The following ADAMTSL3 variants were observed in gnomAD, a reference collection of about 807,000 sequenced individuals.
ADAMTSL3 encodes ADAMTS-like protein 3.
Under a neutral mutation model 201.7 loss-of-function variants are expected in ADAMTSL3, and 128 were observed. That is an observed-to-expected ratio of 0.63 (90% CI 0.55 to 0.73). The LOEUF (loss-of-function observed/expected upper bound fraction) is 0.73. Among genes scored for constraint, ADAMTSL3 ranks in the 30% least tolerant of loss-of-function variants. The probability of loss-of-function intolerance (pLI) is 0.00; values close to 1 mark genes in which losing one functional copy is unlikely to be tolerated. For missense variants in ADAMTSL3, 1,990 were observed against 2,119.6 expected (o/e 0.94, Z 1.20); for synonymous variants, 738 against 748.4 (o/e 0.99, Z 0.23).
At chr15:83,978,073 G>C (rs2067317162) in intron 20 of ADAMTSL3, among the ~76,000 whole-genome samples, 1 of 152,098 alleles carries the variant, frequency 6.6e-6, no homozygotes, top group South Asian at 2.1e-4. Flanking sequence ...GGTTCCAGCA[G>C]GGTAATAGGA....
At chr15:83,745,356 C>G (rs1269359171) in intron 3 of ADAMTSL3, among the ~76,000 whole-genome samples, 1 of 152,194 alleles carries the variant, frequency 6.6e-6, no homozygotes, top group Non-Finnish European at 1.5e-5. Context: ...CATGCTGACC[C>G]TCTGTCCTCA....
intron 17 of ADAMTSL3, among the ~76,000 whole-genome samples, chr15:83,924,664 G>C (rs1567239682): frequency 6.6e-6 from 1 of 152,216 alleles, no homozygotes; most frequent in Non-Finnish European, 1.5e-5. Flanking sequence ...TATCAGAAGA[G>C]AAGTAGCTTG....
chr15:83,879,571 A>G (rs1170704327), intron 9 of ADAMTSL3, among the ~76,000 whole-genome samples: 2 of 152,170 alleles, frequency 1.3e-5, no homozygotes, highest in Non-Finnish European at 2.9e-5. Flanking sequence ...TTTAAAATTT[A>G]TTTTTATAGC....
intron 12 of ADAMTSL3, among the ~76,000 whole-genome samples, chr15:83,891,826 G>T (rs549084535): frequency 6.6e-6 from 1 of 152,344 alleles, no homozygotes; most frequent in Non-Finnish European, 1.5e-5. Flanking sequence ...GTCTTATGAA[G>T]GGTAAATAGG....
chr15:83,732,875 T>C (rs1190275526), intron 3 of ADAMTSL3, among the ~76,000 whole-genome samples: 1 of 152,154 alleles, frequency 6.6e-6, no homozygotes, highest in Admixed American at 6.6e-5. Context: ...TCATTCCGAA[T>C]GTGATTCCTG....
chr15:84,026,004 C>G (rs2068298439), intron 27 of ADAMTSL3, among the ~76,000 whole-genome samples: 1 of 152,030 alleles, frequency 6.6e-6, no homozygotes, highest in Admixed American at 6.6e-5. Context: ...CATAGTAGAA[C>G]TTTTTGTGGA....
At chr15:83,812,426 A>G (rs1409263541) in intron 5 of ADAMTSL3, among the ~76,000 whole-genome samples, 1 of 152,154 alleles carries the variant, frequency 6.6e-6, no homozygotes, top group East Asian at 1.9e-4. Flanking sequence ...TGATTCTAAG[A>G]TGAGGAGTTC....
chr15:83,923,901 C>T lies in ADAMTSL3; in HGVS notation c.1988-3C>T. ...TGCATTTTTTCCTCTTTCTAACCTG[C>T]AGGCCATCAAGAAGCCATAGCAGTG... On this transcript the variant is annotated splice_region_variant and splice_polypyrimidine_tract_variant and intron_variant, in intron 16 of 29. Coordinates refer to ENST00000286744, the MANE Select transcript of ADAMTSL3 (RefSeq NM_207517.3). 6.2e-7 allele frequency: 1 copy of T among 1,613,766 alleles called. No homozygotes were observed. Among genetic ancestry groups the T allele is most frequent in the South Asian group, 1.1e-5 (1 of 91,036 alleles).
intron 11 of ADAMTSL3, 44 bp downstream of exon 11, chr15:83,890,291 A>C (rs2065478518): frequency 1.2e-6 from 2 of 1,602,182 alleles, no homozygotes; most frequent in Non-Finnish European, 8.5e-7. Flanking sequence ...AAAAGAAACA[A>C]ATCAGCTTCA....
intron 2 of ADAMTSL3, among the ~76,000 whole-genome samples, chr15:83,673,488 T>C (rs2061354137): frequency 6.6e-6 from 1 of 152,186 alleles, no homozygotes; most frequent in Non-Finnish European, 1.5e-5. Context: ...GGGTTTTTTT[T>C]CTATGCTGTC....
intron 27 of ADAMTSL3, among the ~76,000 whole-genome samples, chr15:84,030,713 A>C (rs115143209): frequency 6.7e-4 from 102 of 152,262 alleles, no homozygotes; most frequent in African/African-American, 2.4e-3. Context: ...GGGACATGAG[A>C]TTTGGGAGGG....
intron 20 of ADAMTSL3, among the ~76,000 whole-genome samples, chr15:83,981,759 A>G (rs1337475259): frequency 6.6e-6 from 1 of 152,230 alleles, no homozygotes; most frequent in Non-Finnish European, 1.5e-5. Context: ...CCCTTCAAAT[A>G]CATTTGCTCA....
chr15:83,858,112 A>G (rs954070012), intron 7 of ADAMTSL3, among the ~76,000 whole-genome samples: 5 of 152,186 alleles, frequency 3.3e-5, no homozygotes, highest in Non-Finnish European at 7.3e-5. Context: ...ATTGAGCCAT[A>G]TGGTCTTCAT....
At chr15:83,889,322 C>T (rs1352834962) in intron 10 of ADAMTSL3, among the ~76,000 whole-genome samples, 1 of 152,082 alleles carries the variant, frequency 6.6e-6, no homozygotes, top group Admixed American at 6.6e-5. Context: ...ATTGCAGGTG[C>T]CTGTGGCATC....
chr15:83,806,389 G>C (rs1315349806), intron 5 of ADAMTSL3, among the ~76,000 whole-genome samples: 1 of 152,194 alleles, frequency 6.6e-6, no homozygotes, highest in African/African-American at 2.4e-5. Flanking sequence ...ATGGATTACA[G>C]CTGATGAAAC....
chr15:83,835,820 G>A (rs968232205), intron 6 of ADAMTSL3, among the ~76,000 whole-genome samples: 1 of 152,166 alleles, frequency 6.6e-6, no homozygotes, highest in Non-Finnish European at 1.5e-5. Flanking sequence ...GGCTTTTGTT[G>A]TTGTTGTCTA....
chr15:83,869,874 G>A (rs1441827374), intron 8 of ADAMTSL3, among the ~76,000 whole-genome samples: 1 of 152,098 alleles, frequency 6.6e-6, no homozygotes. Flanking sequence ...ACCCAAGGCA[G>A]AAAGTTAGAG....
intron 7 of ADAMTSL3, among the ~76,000 whole-genome samples, chr15:83,840,664 G>A (rs540183788): frequency 6.6e-6 from 1 of 152,298 alleles, no homozygotes; most frequent in South Asian, 2.1e-4. Context: ...CAAAGATAGA[G>A]GAGTAGCTGT....
chr15:83,925,532 C>T (rs931145374), intron 17 of ADAMTSL3, among the ~76,000 whole-genome samples: 8 of 152,112 alleles, frequency 5.3e-5, no homozygotes, highest in Admixed American at 3.3e-4. Flanking sequence ...GAGTAATCCA[C>T]GCTAGAATGC....
Sources: gnomAD v4.1 joint callset for allele counts (sites outside exome capture counted in the v4.1 genomes callset) on GRCh38, gnomAD v4.1.1 for gene constraint, MANE v1.5 for transcripts, NCBI Gene and HGNC (gene_info 2026-07-23, HGNC 2026-07-21) for gene names.